Variants in ZBTB20 observed in about 807,000 individuals in gnomAD.
ZBTB20 encodes zinc finger and BTB domain containing 20, also known as zinc finger and BTB domain-containing protein 20.
ZBTB20 carries 9 observed loss-of-function variants against 56.9 expected under a neutral mutation model. The observed-to-expected ratio is 0.16, with a 90% confidence interval of 0.10 to 0.28. The LOEUF (loss-of-function observed/expected upper bound fraction) is 0.28, where lower values mean the gene tolerates loss of function less well. Ranked by LOEUF, ZBTB20 falls within the 10% of genes least tolerant of loss-of-function variation. The pLI, the probability that ZBTB20 is intolerant of heterozygous loss-of-function variation, is 1.00. For missense variants in ZBTB20, 655 were observed against 1,003.0 expected, an observed-to-expected ratio of 0.65 and a Z score of 4.69; for synonymous variants, 417 against 420.7, an observed-to-expected ratio of 0.99 and a Z score of 0.11.
chr3:114,596,318 A>C (rs1387090813), intron 6 of ZBTB20, among the ~76,000 whole-genome samples: 1 of 152,176 alleles, frequency 6.6e-6, no homozygotes, highest in African/African-American at 2.4e-5. Context: ...ATACTATAAA[A>C]CCCACCAAAC....
At chr3:114,955,058 T>G (rs1229718794) in intron 3 of ZBTB20, among the ~76,000 whole-genome samples, 1 of 152,150 alleles carries the variant, frequency 6.6e-6, no homozygotes, top group Non-Finnish European at 1.5e-5. Context: ...AAAGAGCAGG[T>G]GAATCCTGAG....
chr3:114,396,406 T>C (rs1375914813), intron 7 of ZBTB20, among the ~76,000 whole-genome samples: 1 of 152,172 alleles, frequency 6.6e-6, no homozygotes, highest in Admixed American at 6.5e-5. Context: ...ATAGTAACTT[T>C]GGCTATTACT....
intron 5 of ZBTB20, among the ~76,000 whole-genome samples, chr3:114,765,469 C>T (rs190028932): frequency 3.3e-5 from 5 of 152,144 alleles, no homozygotes; most frequent in African/African-American, 1.2e-4. Flanking sequence ...CCAACGATTG[C>T]CATAAACTCC....
chr3:114,415,506 T>C (rs1169459636), intron 7 of ZBTB20, among the ~76,000 whole-genome samples: 1 of 152,138 alleles, frequency 6.6e-6, no homozygotes, highest in Non-Finnish European at 1.5e-5. Context: ...AGTTCTGATT[T>C]TGTGTCTTGT....
chr3:114,769,616 A>G (rs1229108618), intron 5 of ZBTB20, among the ~76,000 whole-genome samples: 1 of 147,350 alleles, frequency 6.8e-6, no homozygotes, highest in African/African-American at 2.5e-5. Flanking sequence ...CTATGCAGCC[A>G]TAAAAAGGAA....
chr3:115,146,714 G>A (rs2084988180), intron 1 of ZBTB20, among the ~76,000 whole-genome samples: 1 of 152,146 alleles, frequency 6.6e-6, no homozygotes, highest in Non-Finnish European at 1.5e-5. Context: ...CGAGAGCCAC[G>A]GCAAGCGGGG....
In ZBTB20 at chr3:114,350,517, G is replaced by T; in HGVS notation, c.1561C>A (p.Pro521Thr). 3.7e-6 allele frequency: 6 copies of T among 1,614,098 alleles called. No individual in the cohort carries two copies. In the South Asian group the frequency reaches 6.6e-5, roughly 18 times the overall value. The change falls in exon 11 of 12, where the codon CCC (proline) becomes ACC (threonine). Residue 521 changes from proline to threonine, a missense_variant. Pro to Thr is a conservative substitution (Grantham distance 38). Transcript: ENST00000675478. ...GGCAGGCTGAAGAGGAAAGGCTTGG[G>T]GCCACTGCCCGCGGGCTGGGTAGTG... Reference protein sequence around the residue: ...LFTTQPAGSGPKPFLFSLPQP... With the variant: ...LFTTQPAGSGTKPFLFSLPQP...
chr3:114,707,061 A>C (rs907022046), intron 5 of ZBTB20, among the ~76,000 whole-genome samples: 108 of 152,286 alleles, frequency 7.1e-4, no homozygotes, highest in African/African-American at 2.3e-3. Context: ...CCCAGGGTGC[A>C]GCATAAATCC....
chr3:114,686,472 G>A (rs2062350304), intron 6 of ZBTB20, among the ~76,000 whole-genome samples: 1 of 152,114 alleles, frequency 6.6e-6, no homozygotes, highest in Non-Finnish European at 1.5e-5. Flanking sequence ...GAAGTATTAA[G>A]CCAACCACCA....
At chr3:114,481,182 C>T (rs1029618875) in intron 7 of ZBTB20, among the ~76,000 whole-genome samples, 11 of 150,940 alleles carry the variant, frequency 7.3e-5, no homozygotes, top group Non-Finnish European at 1.2e-4. Flanking sequence ...TTCTGTAAGA[C>T]GGTTTGAGTG....
intron 5 of ZBTB20, among the ~76,000 whole-genome samples, chr3:114,794,278 T>C (rs1038618754): frequency 1.3e-5 from 2 of 152,064 alleles, no homozygotes; most frequent in Admixed American, 6.6e-5. Flanking sequence ...TAATATATAT[T>C]GTTCAGATTT....
chr3:114,744,034 T>C (rs1488793217), intron 5 of ZBTB20, among the ~76,000 whole-genome samples: 1 of 152,190 alleles, frequency 6.6e-6, no homozygotes, highest in Non-Finnish European at 1.5e-5. Context: ...CAGTGTGAAC[T>C]TGATTTTTAT....
At chr3:114,623,172 G>A (rs2058439212) in intron 6 of ZBTB20, among the ~76,000 whole-genome samples, 1 of 152,166 alleles carries the variant, frequency 6.6e-6, no homozygotes. Flanking sequence ...GATGGTAAAG[G>A]ATAAAAACAC....
chr3:114,717,372 G>A (rs2064558889), intron 5 of ZBTB20, among the ~76,000 whole-genome samples: 1 of 152,064 alleles, frequency 6.6e-6, no homozygotes, highest in Non-Finnish European at 1.5e-5. Context: ...GGTTATTGAG[G>A]TTCACATTAC....
At chr3:114,836,231 G>A (rs1447220700) in intron 4 of ZBTB20, among the ~76,000 whole-genome samples, 2 of 152,130 alleles carry the variant, frequency 1.3e-5, no homozygotes, top group African/African-American at 4.8e-5. Flanking sequence ...TTTTTCCTCA[G>A]TGGATTTTCT....
chr3:114,741,292 G>A (rs2066551686), intron 5 of ZBTB20, among the ~76,000 whole-genome samples: 1 of 152,064 alleles, frequency 6.6e-6, no homozygotes, highest in Admixed American at 6.6e-5. Context: ...TCCCAAATAG[G>A]CATGTGACCT....
In ZBTB20 at chr3:115,045,252, C is replaced by T. The variant is rs373125211; in HGVS notation, c.-507+25967G>A. Among the ~76,000 whole-genome samples the T allele has an allele frequency of 1.2e-3, 186 of 152,044 alleles. 7 individuals carry two copies. In the South Asian group the frequency reaches 0.038, roughly 31 times the overall value. ...TTTCTCTATATCTAATGCCAATAAA[C>T]TAAAAAACATGTAGTATATGTTCCT... On this transcript the variant is annotated intron_variant, in intron 2 of 11. Transcript: ENST00000675478.
intron 1 of ZBTB20, among the ~76,000 whole-genome samples, chr3:115,135,908 G>C (rs2084640682): frequency 6.6e-6 from 1 of 152,016 alleles, no homozygotes. Flanking sequence ...TTAAGAATTA[G>C]AAAGCTCATA....
At chr3:114,408,251 G>A (rs1313382541) in intron 7 of ZBTB20, among the ~76,000 whole-genome samples, 1 of 152,092 alleles carries the variant, frequency 6.6e-6, no homozygotes, top group African/African-American at 2.4e-5. Flanking sequence ...ATTATTTCTG[G>A]ATACAGAGAA....
Sources: gnomAD v4.1 joint callset for allele counts (sites outside exome capture counted in the v4.1 genomes callset) on GRCh38, gnomAD v4.1.1 for gene constraint, MANE v1.5 for transcripts, NCBI Gene and HGNC (gene_info 2026-07-23, HGNC 2026-07-21) for gene names.